The following OXER1 variants were observed in gnomAD, a reference collection of about 807,000 sequenced individuals.
OXER1 encodes 5-oxo-ETE G-protein coupled receptor.
For synonymous variants in OXER1, 258 were observed against 245.8 expected (o/e 1.05, Z -0.47); for missense variants, 587 against 551.7 (o/e 1.06, Z -0.64).
Position 42,763,439 on chromosome 2 carries a change from C to G in OXER1, c.741G>C (p.Ser247=). 6.4e-7 allele frequency: 1 copy of G among 1,571,438 alleles called. No individual in the cohort carries two copies. The highest frequency in any genetic ancestry group is 8.6e-7 in the Non-Finnish European group (1 of 1,158,584). Residue 247 remains serine, a synonymous_variant, in exon 1 of 1, where the codon TCG becomes TCC. Coordinates refer to ENST00000378661, the Ensembl canonical transcript of OXER1. This position sits in a 1 kb window ranked among gnomAD's most constrained non-coding sequence, Gnocchi z 4.4. Reference sequence around the variant, plus strand: ...GTGCCTGGTGCCAGCGGAGCGAGGCCGAGGGCTTCGTGCCCACCCTGTAGC... The same window carrying G: ...GTGCCTGGTGCCAGCGGAGCGAGGCGGAGGGCTTCGTGCCCACCCTGTAGC...
rs781666573 is a variant in OXER1 at position 42,763,430 on chromosome 2, G to A, written c.750C>T (p.Leu250=). 2.5e-6 allele frequency: 4 copies of A among 1,577,312 alleles called. No individual in the cohort carries two copies. The highest frequency in any genetic ancestry group is 2.3e-5 in the South Asian group (2 of 87,026). ...GCAGGTACAGTGCCTGGTGCCAGCG[G>A]AGCGAGGCCGAGGGCTTCGTGCCCA... Residue 250 remains leucine, a synonymous_variant, in exon 1 of 1, where the codon CTC becomes CTT. Coordinates refer to ENST00000378661, the Ensembl canonical transcript of OXER1. This position sits in a 1 kb window ranked among gnomAD's most constrained non-coding sequence, Gnocchi z 4.4.
chr2:42,762,894 C>T (rs1558652167), exon 1 of OXER1: 4 of 1,603,828 alleles, frequency 2.5e-6, no homozygotes, highest in Non-Finnish European at 3.4e-6. Flanking sequence ...GCGCTGCAGC[C>T]CTGCAGCTGG....
Position 42,763,468 on chromosome 2 carries a change from G to T in OXER1, c.712C>A (p.Leu238Ile), listed in dbSNP as rs1670533037. ...GGCTTCGTGCCCACCCTGTAGCTGAGGCAGGAGGGGCCGGAGAAGGTGCTC... is the reference window on the plus strand; with the variant it reads ...GGCTTCGTGCCCACCCTGTAGCTGATGCAGGAGGGGCCGGAGAAGGTGCTC... Residue 238 changes from leucine (L) to isoleucine (I), a missense_variant, in exon 1 of 1, where the codon CTC becomes ATC. Transcript: ENST00000378661. This position sits in a 1 kb window ranked among gnomAD's most constrained non-coding sequence, Gnocchi z 4.4. 3.2e-6 allele frequency: 5 copies of T among 1,560,320 alleles called. No individual in the cohort carries two copies. In the East Asian group the frequency reaches 7.2e-5, roughly 22 times the overall value.
exon 1 of OXER1, chr2:42,762,547 G>A (rs184950720): frequency 4.5e-5 from 12 of 264,010 alleles, no homozygotes; most frequent in Admixed American, 3.8e-4. Context: ...AAACTGGAGA[G>A]CACAGAACAT....
In OXER1 at chr2:42,763,094, G is replaced by T; in HGVS notation, c.1086C>A (p.Phe362Leu). The T allele has an allele frequency of 6.2e-7, 1 of 1,614,200 alleles. No homozygotes were observed. Among genetic ancestry groups the T allele is most frequent in the East Asian group, 2.2e-5 (1 of 44,872 alleles). ...CCAGCAAGGCCCGGCTCTGGTGGAG[G>T]AAGTTGGGGCTAGAGAAGCAGTAGA... Residue 362 changes from phenylalanine to leucine, a missense_variant, in exon 1 of 1, where the codon TTC becomes TTA. Coordinates refer to ENST00000378661, the Ensembl canonical transcript of OXER1. The surrounding 1 kb of genome is among the most constrained non-coding windows in gnomAD (Gnocchi z 4.4).
rs760098791 is a variant in OXER1, at chr2:42,763,741, G to A, written c.439C>T (p.Leu147Phe). 1.5e-5 allele frequency: 25 copies of A among 1,614,024 alleles called. No individual in the cohort carries two copies. In the East Asian group the frequency reaches 2.7e-4, roughly 17 times the overall value. Residue 147 changes from leucine to phenylalanine, a missense_variant, in exon 1 of 1, where the codon CTC becomes TTC. Leu to Phe is a conservative substitution (Grantham distance 22). Transcript: ENST00000378661. The surrounding 1 kb of genome is among the most constrained non-coding windows in gnomAD (Gnocchi z 4.4). Reference sequence around the variant, plus strand: ...TGGAGGAGGTAGTAGTCCACGCGGAGGGGCAGGTTGCTGATCAGGAGGAAG... The same window carrying A: ...TGGAGGAGGTAGTAGTCCACGCGGAAGGGCAGGTTGCTGATCAGGAGGAAG...
At position 42,763,923 on chromosome 2, in the gene OXER1, G is replaced by A. The variant is rs764990353; in HGVS notation, c.257C>T (p.Thr86Ile). The A allele has an allele frequency of 1.2e-6, 2 of 1,613,834 alleles. No individual in the cohort carries two copies. The highest frequency in any genetic ancestry group is 1.7e-6 in the Non-Finnish European group (2 of 1,180,012). ...GAAGGCAGACACCAGCGAGGAAGAG[G>A]TGGGGTGGCAGGGCCCTCCAGAGGA... Residue 86 changes from threonine to isoleucine, a missense_variant, in exon 1 of 1, where the codon ACC becomes ATC. Transcript: ENST00000378661. The surrounding 1 kb of genome is among the most constrained non-coding windows in gnomAD (Gnocchi z 4.4).
chr2:42,763,944 G>C lies in OXER1; in HGVS notation c.236C>G (p.Ser79Cys). ...AGAGGTGGGGTGGCAGGGCCCTCCA[G>C]AGGACCCCCCCACAGTGGTAAAGGC... is the stretch of plus-strand genomic sequence containing the variant. The change falls in exon 1 of 1, where the codon TCT (serine) becomes TGT (cysteine). Residue 79 changes from serine to cysteine, a missense_variant. By Grantham distance (112) the Ser-to-Cys change is moderately radical. Transcript: ENST00000378661. The surrounding 1 kb of genome is among the most constrained non-coding windows in gnomAD (Gnocchi z 4.4). 1 of 1,613,880 alleles carries C rather than the reference G, an allele frequency of 6.2e-7. No homozygotes were observed.
Position 42,763,979 on chromosome 2 carries a change from A to C in OXER1, c.201T>G (p.Ser67=). 6.2e-7 allele frequency: 1 copy of C among 1,613,672 alleles called. No individual in the cohort carries two copies. Among genetic ancestry groups the C allele is most frequent in the Non-Finnish European group, 8.5e-7 (1 of 1,179,898 alleles). Reference sequence around the variant, plus strand: ...CCACAGTGGTAAAGGCAGAGGGAGCAGAGGAGGGTGAGGGAGAGAAGGAGG... The same window carrying C: ...CCACAGTGGTAAAGGCAGAGGGAGCCGAGGAGGGTGAGGGAGAGAAGGAGG... Residue 67 remains serine (S), a synonymous_variant, in exon 1 of 1, where the codon TCT becomes TCG. Coordinates refer to ENST00000378661, the Ensembl canonical transcript of OXER1. This position sits in a 1 kb window ranked among gnomAD's most constrained non-coding sequence, Gnocchi z 4.4.
In OXER1 at chr2:42,763,166, A is replaced by G. The variant is rs1261746167; in HGVS notation, c.1014T>C (p.His338=). The G allele has an allele frequency of 1.9e-6, 3 of 1,613,638 alleles. No individual in the cohort carries two copies. In the African/African-American group the frequency reaches 4.0e-5, roughly 22 times the overall value. The change falls in exon 1 of 1, where the codon CAT becomes CAC. Residue 338 remains histidine, a synonymous_variant. Transcript: ENST00000378661. This position sits in a 1 kb window ranked among gnomAD's most constrained non-coding sequence, Gnocchi z 4.4. ...TGAGGTAGGTGAAGGCCAGGGAGCC[A>G]TGGAAGAGCTGTGTGCAGAGGTCCA...
Position 42,763,397 on chromosome 2 carries a change from G to C in OXER1, c.783C>G (p.Phe261Leu), listed in dbSNP as rs760663064. 1 of 1,598,146 alleles carries C rather than the reference G, an allele frequency of 6.3e-7. No homozygotes were observed. The highest frequency in any genetic ancestry group is 1.7e-5 in the Admixed American group (1 of 57,528). The change falls in exon 1 of 1, where the codon TTC (phenylalanine) becomes TTG (leucine). Residue 261 changes from phenylalanine (F) to leucine (L), a missense_variant. Physicochemically the swap from Phe to Leu is conservative, Grantham distance 22. Coordinates refer to ENST00000378661, the Ensembl canonical transcript of OXER1. This position sits in a 1 kb window ranked among gnomAD's most constrained non-coding sequence, Gnocchi z 4.4. ...AGAGGATGAGCGCCAGTGGCAGGAA[G>C]AACTCCAGCAGGTACAGTGCCTGGT...
chr2:42,763,862 G>A lies in OXER1; in HGVS notation c.318C>T (p.Gly106=), dbSNP rs893400970. Residue 106 remains glycine (G), a synonymous_variant, in exon 1 of 1, where the codon GGC becomes GGT. Coordinates refer to ENST00000378661, the Ensembl canonical transcript of OXER1. The surrounding 1 kb of genome is among the most constrained non-coding windows in gnomAD (Gnocchi z 4.4). ...AGAGGGCCAAACTGTTCCCCACCAGGCCCAGGACAAACTCCAGGGCCAGGA... is the reference window on the plus strand; with the variant it reads ...AGAGGGCCAAACTGTTCCCCACCAGACCCAGGACAAACTCCAGGGCCAGGA... 6 of 1,613,804 alleles carry A rather than the reference G, an allele frequency of 3.7e-6. No individual in the cohort carries two copies. The highest frequency in any genetic ancestry group is 4.2e-6 in the Non-Finnish European group (5 of 1,180,034).
chr2:42,763,636 A>G lies in OXER1; in HGVS notation c.544T>C (p.Phe182Leu), dbSNP rs1339668775. Reference sequence around the variant, plus strand: ...CGGTTGAGTGCGATGGCTGTGAGGAAGACAACGCTGGCCGTGCGGTTGGTG... The same window carrying G: ...CGGTTGAGTGCGATGGCTGTGAGGAGGACAACGCTGGCCGTGCGGTTGGTG... The change falls in exon 1 of 1, where the codon TTC becomes CTC. Residue 182 changes from phenylalanine (F) to leucine (L), a missense_variant. By Grantham distance (22) the Phe-to-Leu change is conservative (BLOSUM62 0). Transcript: ENST00000378661. The surrounding 1 kb of genome is among the most constrained non-coding windows in gnomAD (Gnocchi z 4.4). 6.2e-7 allele frequency: 1 copy of G among 1,613,688 alleles called. No homozygotes were observed. Among genetic ancestry groups the G allele is most frequent in the East Asian group, 2.2e-5 (1 of 44,856 alleles).
At position 42,763,066 on chromosome 2, in the gene OXER1, G is replaced by A; in HGVS notation, c.1114C>T (p.Leu372Phe). 1.9e-6 allele frequency: 3 copies of A among 1,614,142 alleles called. No individual in the cohort carries two copies. Among genetic ancestry groups the A allele is most frequent in the South Asian group, 1.1e-5 (1 of 91,082 alleles). Reference sequence around the variant, plus strand: ...ACTGGGCCCTGCCGGCCCCGCGTGAGGCCCAGCAAGGCCCGGCTCTGGTGG... The same window carrying A: ...ACTGGGCCCTGCCGGCCCCGCGTGAAGCCCAGCAAGGCCCGGCTCTGGTGG... Residue 372 changes from leucine to phenylalanine, a missense_variant, in exon 1 of 1, where the codon CTC (leucine) becomes TTC (phenylalanine). Leu to Phe is a conservative substitution (Grantham distance 22). Coordinates refer to ENST00000378661, the Ensembl canonical transcript of OXER1. The surrounding 1 kb of genome is among the most constrained non-coding windows in gnomAD (Gnocchi z 4.4).
At position 42,763,238 on chromosome 2, in the gene OXER1, A is replaced by G. The variant is rs77519354; in HGVS notation, c.942T>C (p.Phe314=). 2.3e-3 allele frequency: 3,633 copies of G among 1,612,004 alleles called. 65 individuals carry two copies. The African/African-American group carries it at 0.042, about 19-fold the overall frequency. The change falls in exon 1 of 1, where the codon TTT becomes TTC. Residue 314 remains phenylalanine, a synonymous_variant. Transcript: ENST00000378661. This position sits in a 1 kb window ranked among gnomAD's most constrained non-coding sequence, Gnocchi z 4.4. ...AGAAAGCCACCATGGAAGCCATGCC[A>G]AAGATGATGCTGGGCAAGAAGCAGA...
At chr2:42,762,676 C>A in exon 1 of OXER1, 1 of 536,398 alleles carries the variant, frequency 1.9e-6, no homozygotes, top group East Asian at 3.1e-5. Flanking sequence ...TCTCCTCCAC[C>A]CGGCATCCTG....
In OXER1 at chr2:42,763,271, G is replaced by C. The variant is rs754103872; in HGVS notation, c.909C>G (p.Val303=). 1.9e-6 allele frequency: 3 copies of C among 1,613,092 alleles called. No homozygotes were observed. Among genetic ancestry groups the C allele is most frequent in the South Asian group, 1.1e-5 (1 of 90,942 alleles). The change falls in exon 1 of 1, where the codon GTC becomes GTG. Residue 303 remains valine (V), a synonymous_variant. Transcript: ENST00000378661. This position sits in a 1 kb window ranked among gnomAD's most constrained non-coding sequence, Gnocchi z 4.4. ...TGCTGGGCAAGAAGCAGATGGTGTA[G>C]ACGGCCACCACCATGGCCAGCACAC... is the stretch of plus-strand genomic sequence containing the variant.
exon 1 of OXER1, chr2:42,764,092 G>A: frequency 6.2e-7 from 1 of 1,614,106 alleles, no homozygotes; most frequent in Non-Finnish European, 8.5e-7. Flanking sequence ...CCTGAGAGAA[G>A]GTTCTGGAGT....
In OXER1 at chr2:42,763,737, C is replaced by T. The variant is rs747255379; in HGVS notation, c.443G>A (p.Arg148His). 18 of 1,613,942 alleles carry T rather than the reference C, an allele frequency of 1.1e-5. No individual in the cohort carries two copies. Among genetic ancestry groups the T allele is most frequent in the East Asian group, 4.5e-5 (2 of 44,888 alleles). Residue 148 changes from arginine to histidine, a missense_variant, in exon 1 of 1, where the codon CGC (arginine) becomes CAC (histidine). Physicochemically the swap from Arg to His is conservative, Grantham distance 29. Transcript: ENST00000378661. The surrounding 1 kb of genome is among the most constrained non-coding windows in gnomAD (Gnocchi z 4.4). ...CTCATGGAGGAGGTAGTAGTCCACG[C>T]GGAGGGGCAGGTTGCTGATCAGGAG...
Sources: allele counts gnomAD v4.1 joint callset, GRCh38; gene constraint gnomAD v4.1.1; non-coding constraint Gnocchi (gnomAD v3.1); transcripts MANE v1.5; gene names NCBI Gene and HGNC (gene_info 2026-07-23, HGNC 2026-07-21).